Variants in NCF2 observed in about 807,000 individuals in gnomAD.
The protein encoded by NCF2 is neutrophil cytosolic factor 2.
In NCF2, 45 loss-of-function variants were observed where a neutral mutation model predicts 70.9. The ratio of observed to expected loss-of-function variants is 0.63; its 90% CI spans 0.50 to 0.81. The LOEUF is 0.81. Ranked by LOEUF, NCF2 falls within the 40% of genes least tolerant of loss-of-function variation. NCF2 has a pLI of 0.00. For synonymous variants in NCF2, 203 were observed against 233.6 expected, an observed-to-expected ratio of 0.87 and a Z score of 1.19; for missense variants, 522 against 631.6, an observed-to-expected ratio of 0.83 and a Z score of 1.86.
At chr1:183,575,669 A>G (rs1433792502) in intron 3 of NCF2, among the ~76,000 whole-genome samples, 4 of 152,232 alleles carry the variant, frequency 2.6e-5, no homozygotes, top group African/African-American at 9.6e-5. Context: ...TATAAAAGAC[A>G]TTGACACTGT....
chr1:183,598,102 C>T, the NCF2 span: 1 of 152,434 alleles, frequency 6.6e-6, no homozygotes, highest in African/African-American at 2.4e-5. Context: ...CCAGACTACT[C>T]AGAGAGAATG....
At chr1:183,577,742 T>C in intron 2 of NCF2, 35 bp from the exon 3 acceptor site, 1 of 1,395,490 alleles carries the variant, frequency 7.2e-7, no homozygotes, top group Non-Finnish European at 1.0e-6. Context: ...AGCAGTCTAG[T>C]GGATGGAGAA....
chr1:183,558,041 A>AT (rs894435817), intron 14 of NCF2, among the ~76,000 whole-genome samples: 4 of 151,646 alleles, frequency 2.6e-5, no homozygotes, highest in South Asian at 2.1e-4. Flanking sequence ...CGCCTGGCTA[A>AT]TTTTTTTATT....
chr1:183,591,722 G>A (rs2333683), upstream of NCF2, among the ~76,000 whole-genome samples: 13,367 of 152,140 alleles, frequency 0.088, 1,885 homozygotes, highest in African/African-American at 0.3. Context: ...CTGACCTCAG[G>A]TGATTCGGCC....
chr1:183,584,502 A>C (rs7521394), intron 2 of NCF2, among the ~76,000 whole-genome samples: 2,830 of 152,308 alleles, frequency 0.019, 83 homozygotes, highest in African/African-American at 0.065. Context: ...TACTTTTAGA[A>C]GTTTCCAAGA....
intron 3 of NCF2, among the ~76,000 whole-genome samples, 167 bp from the exon 4 acceptor site, chr1:183,574,788 A>G (rs1008133522): frequency 2.6e-5 from 4 of 152,212 alleles, no homozygotes; most frequent in Non-Finnish European, 5.9e-5. Flanking sequence ...CTATTGAGTT[A>G]TGTCAAACAC....
At chr1:183,580,192 G>C (rs1298717269) in intron 2 of NCF2, among the ~76,000 whole-genome samples, 2 of 152,216 alleles carry the variant, frequency 1.3e-5, no homozygotes, top group Non-Finnish European at 2.9e-5. Flanking sequence ...GTTTGAAATA[G>C]GAGGATGGCT....
chr1:183,585,019 T>C (rs943797193), intron 2 of NCF2, among the ~76,000 whole-genome samples: 2 of 152,222 alleles, frequency 1.3e-5, no homozygotes, highest in Admixed American at 6.5e-5. Flanking sequence ...CAGATTGCCA[T>C]TGTGTCTGTG....
chr1:183,572,096 A>G lies in NCF2; in HGVS notation c.609+1089T>C, dbSNP rs975182858. Among the ~76,000 whole-genome samples, 5 of 152,220 alleles carry G rather than the reference A, an allele frequency of 3.3e-5. No homozygotes were observed. In the East Asian group the frequency reaches 7.7e-4, roughly 23 times the overall value. Reference sequence around the variant, plus strand: ...CCGACCACTGGGCAACTTTAGCCCTATGAATGTGTCAAGTCAAATGTGGTT... The same window carrying G: ...CCGACCACTGGGCAACTTTAGCCCTGTGAATGTGTCAAGTCAAATGTGGTT... On this transcript the variant is annotated intron_variant, in intron 5 of 14. Coordinates refer to ENST00000367535, the MANE Select transcript of NCF2 (RefSeq NM_000433.4).
At chr1:183,601,599 T>G in the NCF2 span, among the ~76,000 whole-genome samples, 1 of 152,324 alleles carries the variant, frequency 6.6e-6, no homozygotes, top group South Asian at 2.1e-4. Context: ...GTGTCATGCC[T>G]GTAATCCCAG....
intron 2 of NCF2, among the ~76,000 whole-genome samples, chr1:183,586,456 A>T (rs1331298453): frequency 6.6e-6 from 1 of 152,250 alleles, no homozygotes; most frequent in Non-Finnish European, 1.5e-5. Context: ...TCATTTTTGC[A>T]GCTGAAGTAT....
chr1:183,597,565 T>C, the NCF2 span, among the ~76,000 whole-genome samples: 51 of 152,322 alleles, frequency 3.3e-4, no homozygotes, highest in African/African-American at 1.2e-3. Context: ...GTCACCCAAA[T>C]AGTGAACATA....
In NCF2 at chr1:183,574,585, C is replaced by T. The variant is rs1422911188; in HGVS notation, c.403G>A (p.Glu135Lys). The T allele has an allele frequency of 1.9e-6, 3 of 1,614,044 alleles. No homozygotes were observed. Among genetic ancestry groups the T allele is most frequent in the South Asian group, 2.2e-5 (2 of 91,084 alleles). Reference sequence around the variant, plus strand: ...TGTTCTTCAGCTTTTTTCCATTCCTCCTTCTTGGCATACATGAAAGCAATG... The same window carrying T: ...TGTTCTTCAGCTTTTTTCCATTCCTTCTTCTTGGCATACATGAAAGCAATG... ...YNIAFMYAKK[E>K]EWKKAEEQLA... The change falls in exon 4 of 15, where the codon GAG becomes AAG. Residue 135 changes from glutamate to lysine, a missense_variant. Coordinates refer to ENST00000367535, the MANE Select transcript of NCF2 (RefSeq NM_000433.4).
chr1:183,576,919 G>A (rs1672824626), intron 3 of NCF2, among the ~76,000 whole-genome samples: 2 of 152,178 alleles, frequency 1.3e-5, no homozygotes, highest in African/African-American at 4.8e-5. Flanking sequence ...TGGGAGGGGT[G>A]GGAAGGGCCA....
intron 5 of NCF2, 137 bp from the exon 6 acceptor site, chr1:183,570,976 T>C: frequency 1.2e-6 from 1 of 802,220 alleles, no homozygotes; most frequent in Non-Finnish European, 2.1e-6. Flanking sequence ...AGGATTAGAT[T>C]CCTGAGCCTC....
At position 183,570,913 on chromosome 1, in the gene NCF2, A is replaced by G. The variant is rs564973540; in HGVS notation, c.610-74T>C. 15 of 1,469,760 alleles carry G rather than the reference A, an allele frequency of 1.0e-5. 1 individual carries two copies. In the East Asian group the frequency reaches 3.2e-4, roughly 31 times the overall value. The allele number at this position is 1,469,760 out of a possible 1,614,324, so 91.0% of individuals were successfully genotyped here. ...TTCTTCTGGGTCTCCCTCTTTGCTC[A>G]TGCCCTAGACCTGTTCTTACGTGAG... On this transcript the variant is annotated intron_variant, in intron 5 of 14. Coordinates refer to ENST00000367535, the MANE Select transcript of NCF2 (RefSeq NM_000433.4).
intron 5 of NCF2, 129 bp downstream of exon 5, chr1:183,573,056 C>G: frequency 2.4e-6 from 2 of 848,272 alleles, no homozygotes; most frequent in South Asian, 1.3e-5. Context: ...GTCCTATAAA[C>G]AAGTCTCTCA....
intron 1 of NCF2, among the ~76,000 whole-genome samples, chr1:183,588,801 T>A (rs1673498610): frequency 6.6e-6 from 1 of 152,140 alleles, no homozygotes; most frequent in African/African-American, 2.4e-5. Flanking sequence ...AACAGAGACA[T>A]GTGGGCCTGA....
At chr1:183,590,475 T>C, upstream of NCF2, 1 of 829,502 alleles carries the variant, frequency 1.2e-6, no homozygotes, top group East Asian at 2.6e-5. Flanking sequence ...CCAGCCTCCC[T>C]TAAGATAACT....
Sources: allele counts gnomAD v4.1 joint callset (sites outside exome capture counted in the v4.1 genomes callset), GRCh38; gene constraint gnomAD v4.1.1; transcripts MANE v1.5; gene names NCBI Gene and HGNC (gene_info 2026-07-23, HGNC 2026-07-21).